Variants in MPIG6B observed in about 807,000 individuals in gnomAD.
The protein encoded by MPIG6B is immunoglobulin receptor.
MPIG6B carries 22 observed loss-of-function variants against 24.2 expected under a neutral mutation model. The ratio of observed to expected loss-of-function variants is 0.91; its 90% confidence interval spans 0.65 to 1.30. MPIG6B has a LOEUF of 1.30. MPIG6B is among the 50% of genes most tolerant of loss of function. The pLI is 0.00. For missense variants in MPIG6B, 301 were observed against 318.5 expected (o/e 0.94, Z 0.42); for synonymous variants, 136 against 142.0 (o/e 0.96, Z 0.30).
Position 31,723,918 on chromosome 6 carries a change from A to ACGAGAGC in MPIG6B, c.344_350dup (p.Thr118GlufsTer64). The ACGAGAGC allele has an allele frequency of 6.3e-7, 1 of 1,594,476 alleles. No individual in the cohort carries two copies. Among genetic ancestry groups the ACGAGAGC allele is most frequent in the Non-Finnish European group, 8.5e-7 (1 of 1,170,142 alleles). ...TTTTTCTGCAAGGGCCGCCACGAGG[A>ACGAGAGC]CGAGAGCCGTACAGTGCTTCACGTG... is the stretch of plus-strand genomic sequence containing the variant. On this transcript the variant is annotated frameshift_variant, in exon 2 of 6. Coordinates refer to ENST00000649779, the MANE Select transcript of MPIG6B (RefSeq NM_138272.3). LOFTEE classifies it high-confidence loss of function. This position sits in a 1 kb window ranked among gnomAD's most constrained non-coding sequence, Gnocchi z 4.3.
chr6:31,724,867 G>A, intron 5 of MPIG6B, 23 bp downstream of exon 5: 1 of 1,613,212 alleles, frequency 6.2e-7, no homozygotes, highest in African/African-American at 1.3e-5. Context: ...GGATGGGAAG[G>A]GGATAGCCAG....
chr6:31,721,697 T>A (rs749375292), upstream of MPIG6B: 1 of 1,613,730 alleles, frequency 6.2e-7, no homozygotes, highest in Non-Finnish European at 8.5e-7. Flanking sequence ...GTCCTGAGAA[T>A]GGTGGCAACC....
upstream of MPIG6B, chr6:31,721,547 G>A (rs1416086793): frequency 8.2e-6 from 11 of 1,340,970 alleles, no homozygotes; most frequent in Non-Finnish European, 1.2e-5. Flanking sequence ...CCGAGTGGTG[G>A]GTAGGGCCGG....
In MPIG6B at chr6:31,723,976, G is replaced by C; in HGVS notation, c.399G>C (p.Gly133=). 6.4e-7 allele frequency: 1 copy of C among 1,552,302 alleles called. No individual in the cohort carries two copies. Among genetic ancestry groups the C allele is most frequent in the Non-Finnish European group, 8.7e-7 (1 of 1,146,710 alleles). ...LGDRTYCKAP[G]PTHGSVYPQL... is the part of the protein sequence containing the mutation. ...ACAGGACCTATTGCAAGGCCCCCGG[G>C]CCTACCCATGGTAGGTGCAGGCCTG... Residue 133 remains glycine (G), a synonymous_variant, in exon 2 of 6, where the codon GGG becomes GGC. Coordinates refer to ENST00000649779, the MANE Select transcript of MPIG6B (RefSeq NM_138272.3). This position sits in a 1 kb window ranked among gnomAD's most constrained non-coding sequence, Gnocchi z 4.3.
chr6:31,723,612 C>T lies in MPIG6B; in HGVS notation c.62-27C>T. 6.5e-7 allele frequency: 1 copy of T among 1,530,288 alleles called. No homozygotes were observed. The highest frequency in any genetic ancestry group is 8.8e-7 in the Non-Finnish European group (1 of 1,136,512). The allele number at this position is 1,530,288 out of a possible 1,614,324, so 94.8% of individuals were successfully genotyped here. ...GGTCGTCTTGCCCTGTGGACGTGCC[C>T]TAACCACAGCCTCCGGCCTCTCCTA... On this transcript the variant is annotated intron_variant, in intron 1 of 5. Transcript: ENST00000649779. This position sits in a 1 kb window ranked among gnomAD's most constrained non-coding sequence, Gnocchi z 4.3.
upstream of MPIG6B, chr6:31,721,763 T>G: frequency 6.9e-7 from 1 of 1,456,420 alleles, no homozygotes; most frequent in Non-Finnish European, 9.6e-7. Flanking sequence ...TGAGTGGCCT[T>G]TTTGGAATTT....
chr6:31,723,921 A>G lies in MPIG6B; in HGVS notation c.344A>G (p.Glu115Gly). ...TFFCKGRHED[E>G]SRTVLHVLGD... ...TTCTGCAAGGGCCGCCACGAGGACG[A>G]GAGCCGTACAGTGCTTCACGTGCTG... Residue 115 changes from glutamate to glycine, a missense_variant, in exon 2 of 6, where the codon GAG becomes GGG. Transcript: ENST00000649779. The surrounding 1 kb of genome is among the most constrained non-coding windows in gnomAD (Gnocchi z 4.3). 6.3e-7 allele frequency: 1 copy of G among 1,587,716 alleles called. No homozygotes were observed. The highest frequency in any genetic ancestry group is 8.6e-7 in the Non-Finnish European group (1 of 1,166,910).
At chr6:31,720,972 C>T (rs188222430), upstream of MPIG6B, 2 of 152,378 alleles carry the variant, frequency 1.3e-5, no homozygotes, top group African/African-American at 4.8e-5. The surrounding 1 kb of genome is among the most constrained non-coding windows in gnomAD (Gnocchi z 4.9). Flanking sequence ...ATCCACTTCA[C>T]CCTGGAGGTA....
chr6:31,724,574 A>G lies in MPIG6B; in HGVS notation c.501-13A>G, dbSNP rs757525308. The stretch of plus-strand genomic sequence containing the variant: ...AGACTGGTGGTTCTCAAAGACTCAT[A>G]TGTCCCTTACAGGCGCCTGCCCCCG... On this transcript the variant is annotated splice_polypyrimidine_tract_variant and intron_variant, in intron 3 of 5. Coordinates refer to ENST00000649779, the MANE Select transcript of MPIG6B (RefSeq NM_138272.3). 8 of 1,611,004 alleles carry G rather than the reference A, an allele frequency of 5.0e-6. No individual in the cohort carries two copies. Among genetic ancestry groups the G allele is most frequent in the Non-Finnish European group, 6.8e-6 (8 of 1,177,270 alleles).
Position 31,725,978 on chromosome 6 carries a change from A to AC in MPIG6B, c.*905dup, listed in dbSNP as rs1404738929. On this transcript the variant is annotated 3_prime_UTR_variant, in exon 6 of 6. Coordinates refer to ENST00000649779, the MANE Select transcript of MPIG6B (RefSeq NM_138272.3). This position sits in a 1 kb window ranked among gnomAD's most constrained non-coding sequence, Gnocchi z 5.2. ...AACAACCCAGTTGCCCAACCCAGAA[A>AC]CTGGGAGTCACGCAGACCTCCTTTC... is the stretch of plus-strand genomic sequence containing the variant. 2.0e-5 allele frequency: 3 copies of AC among 152,352 alleles called. No individual in the cohort carries two copies. Among genetic ancestry groups the AC allele is most frequent in the Non-Finnish European group, 4.4e-5 (3 of 68,032 alleles). The allele number at this position is 152,352 out of a possible 1,614,324, so 9.4% of individuals were successfully genotyped here. A position where few individuals can be genotyped will look rare whatever the true frequency, so the allele number is the denominator to read the frequency against.
At chr6:31,724,546 A>C in intron 3 of MPIG6B, 41 bp from the exon 4 acceptor site, 1 of 1,569,458 alleles carries the variant, frequency 6.4e-7, no homozygotes, top group Non-Finnish European at 8.8e-7. Context: ...AACCAGTGAG[A>C]CAAGACTGGT....
intron 2 of MPIG6B, 59 bp downstream of exon 2, chr6:31,724,045 A>T: frequency 6.4e-7 from 1 of 1,569,920 alleles, no homozygotes. Flanking sequence ...CGGAGGAGGG[A>T]AGAGGGCCTT....
intron 3 of MPIG6B, 94 bp downstream of exon 3, chr6:31,724,326 G>A: frequency 1.8e-6 from 2 of 1,087,862 alleles, no homozygotes; most frequent in Non-Finnish European, 2.7e-6. Flanking sequence ...GCTAGACCTA[G>A]AGCTCTGGTC....
At position 31,726,331 on chromosome 6, in the gene MPIG6B, T is replaced by C. The variant is rs1807363103; in HGVS notation, c.*1257T>C. 6.6e-6 allele frequency: 1 copy of C among 152,304 alleles called. No homozygotes were observed. Among genetic ancestry groups the C allele is most frequent in the Non-Finnish European group, 1.5e-5 (1 of 68,066 alleles). The allele number at this position is 152,304 out of a possible 1,614,324, so 9.4% of individuals were successfully genotyped here. A position where few individuals can be genotyped will look rare whatever the true frequency, so the allele number is the denominator to read the frequency against. ...CCACTCTCCAGGCTTACCTGTGTCATTCCACATGCACATCTTAGAAAATGC... is the reference window on the plus strand; with the variant it reads ...CCACTCTCCAGGCTTACCTGTGTCACTCCACATGCACATCTTAGAAAATGC... On this transcript the variant is annotated 3_prime_UTR_variant, in exon 6 of 6. Coordinates refer to ENST00000649779, the MANE Select transcript of MPIG6B (RefSeq NM_138272.3). The surrounding 1 kb of genome is among the most constrained non-coding windows in gnomAD (Gnocchi z 5.1).
In MPIG6B at chr6:31,724,853, A is replaced by G; in HGVS notation, c.621+9A>G. 1.2e-6 allele frequency: 2 copies of G among 1,613,280 alleles called. No individual in the cohort carries two copies. The highest frequency in any genetic ancestry group is 1.7e-4 in the Middle Eastern group (1 of 6,060). On this transcript the variant is annotated intron_variant, in intron 5 of 5. Coordinates refer to ENST00000649779, the MANE Select transcript of MPIG6B (RefSeq NM_138272.3). Reference sequence around the variant, plus strand: ...ACCTGGACCAGGAACCGGTAAGGGCATGGGGATGGGAAGGGGATAGCCAGA... The same window carrying G: ...ACCTGGACCAGGAACCGGTAAGGGCGTGGGGATGGGAAGGGGATAGCCAGA...
upstream of MPIG6B, chr6:31,723,310 C>A: frequency 3.7e-6 from 4 of 1,083,138 alleles, no homozygotes; most frequent in Non-Finnish European, 4.0e-6. The surrounding 1 kb of genome is among the most constrained non-coding windows in gnomAD (Gnocchi z 4.3). Flanking sequence ...CCACGCCTAA[C>A]TTCCCTCCGG....
Position 31,723,840 on chromosome 6 carries a change from A to T in MPIG6B, c.263A>T (p.Asp88Val), listed in dbSNP as rs766212935. The T allele has an allele frequency of 3.4e-5, 54 of 1,610,862 alleles. No homozygotes were observed. Among genetic ancestry groups the T allele is most frequent in the Admixed American group, 6.8e-5 (4 of 59,194 alleles). The change falls in exon 2 of 6, where the codon GAC becomes GTC. Residue 88 changes from aspartate to valine, a missense_variant. Coordinates refer to ENST00000649779, the MANE Select transcript of MPIG6B (RefSeq NM_138272.3). The surrounding 1 kb of genome is among the most constrained non-coding windows in gnomAD (Gnocchi z 4.3). ...TTCGTCGGCCGCCTACGCTCCCTGG[A>T]CTCTGGTATCCGGCGGCTGGAGCTC... ...QPFVGRLRSL[D>V]SGIRRLELLL...
Position 31,725,414 on chromosome 6 carries a change from G to A in MPIG6B, c.*340G>A, listed in dbSNP as rs1445455529. 2.1e-5 allele frequency: 5 copies of A among 235,546 alleles called. No homozygotes were observed. Among genetic ancestry groups the A allele is most frequent in the Admixed American group, 1.7e-4 (3 of 18,116 alleles). 14.6% of individuals were successfully genotyped at this position (235,546 alleles called of 1,614,324 possible). A position where few individuals can be genotyped will look rare whatever the true frequency, so the allele number is the denominator to read the frequency against. ...CACCATCTCCCTCACTGCAAGCTCCGCCTGCCGGGTTCACACCATTCTCCT... is the reference window on the plus strand; with the variant it reads ...CACCATCTCCCTCACTGCAAGCTCCACCTGCCGGGTTCACACCATTCTCCT... On this transcript the variant is annotated 3_prime_UTR_variant, in exon 6 of 6. Coordinates refer to ENST00000649779, the MANE Select transcript of MPIG6B (RefSeq NM_138272.3). This position sits in a 1 kb window ranked among gnomAD's most constrained non-coding sequence, Gnocchi z 5.2.
chr6:31,724,722 G>T, intron 4 of MPIG6B, 43 bp from the exon 5 acceptor site: 1 of 1,612,328 alleles, frequency 6.2e-7, no homozygotes, highest in South Asian at 1.1e-5. Flanking sequence ...CAGACACGTT[G>T]GTCACCTTCT....
Sources: gnomAD v4.1 joint callset for allele counts on GRCh38, gnomAD v4.1.1 for gene constraint, Gnocchi (gnomAD v3.1) non-coding constraint, MANE v1.5 for transcripts, NCBI Gene and HGNC (gene_info 2026-07-23, HGNC 2026-07-21) for gene names.